The following UBN2 variants were observed in gnomAD, a reference collection of about 807,000 sequenced individuals.
UBN2 encodes ubinuclein 2.
Under a neutral mutation model 120.2 loss-of-function variants are expected in UBN2, and 35 were observed. The ratio of observed to expected loss-of-function variants is 0.29; its 90% CI spans 0.22 to 0.39. UBN2 has a LOEUF of 0.39. Among genes scored for constraint, UBN2 ranks in the 10% least tolerant of loss-of-function variants. UBN2 has a pLI of 1.00. For missense variants in UBN2, 1,693 were observed against 1,663.2 expected (o/e 1.02, Z -0.31); for synonymous variants, 661 against 648.7 (o/e 1.02, Z -0.29).
Position 139,284,073 on chromosome 7 carries a change from G to A in UBN2, c.3168G>A (p.Lys1056=). The change falls in exon 15 of 18, where the codon AAG becomes AAA. Residue 1056 remains lysine, a synonymous_variant. Transcript: ENST00000473989. ...ATSPKPLPSP[K]PSASPKPSLS... is the part of the protein sequence containing the mutation. ...CTCCTAAACCCCTGCCCTCGCCTAA[G>A]CCTTCTGCCTCACCCAAGCCCTCTC... 1 of 1,614,020 alleles carries A rather than the reference G, an allele frequency of 6.2e-7. No individual in the cohort carries two copies. The highest frequency in any genetic ancestry group is 8.5e-7 in the Non-Finnish European group (1 of 1,179,990).
chr7:139,272,541 T>TGTA, intron 9 of UBN2, 101 bp downstream of exon 9: 85 of 822,176 alleles, frequency 1.0e-4, no homozygotes, highest in African/African-American at 1.9e-4. Flanking sequence ...TATGTATGTA[T>TGTA]TTTGAGACGG....
intron 11 of UBN2, 86 bp downstream of exon 11, chr7:139,274,160 A>T: frequency 7.7e-7 from 1 of 1,305,794 alleles, no homozygotes; most frequent in Non-Finnish European, 1.0e-6. Flanking sequence ...CATATGTGAC[A>T]TTGATTTTGC....
chr7:139,238,206 T>C (rs1343327069), intron 2 of UBN2, among the ~76,000 whole-genome samples: 1 of 152,146 alleles, frequency 6.6e-6, no homozygotes, highest in Non-Finnish European at 1.5e-5. Context: ...AGAAAGGATA[T>C]CAGCTCACAT....
At position 139,303,263 on chromosome 7, in the gene UBN2, A is replaced by G. The variant is rs1798301577; in HGVS notation, c.*5427A>G. 6.6e-6 allele frequency: 1 copy of G among 152,216 alleles called. No individual in the cohort carries two copies. The highest frequency in any genetic ancestry group is 6.5e-5 in the Admixed American group (1 of 15,274). The allele number at this position is 152,216 out of a possible 1,614,324, so 9.4% of individuals were successfully genotyped here. A position where few individuals can be genotyped will look rare whatever the true frequency, so the allele number is the denominator to read the frequency against. ...GTTATTTAGATTTCTCCCTTGAGCA[A>G]AATAACATAATTTTCAGTATCTAAG... On this transcript the variant is annotated 3_prime_UTR_variant, in exon 18 of 18. Coordinates refer to ENST00000473989, the MANE Select transcript of UBN2 (RefSeq NM_173569.4).
chr7:139,317,593 G>A, the UBN2 span, among the ~76,000 whole-genome samples: 8 of 151,540 alleles, frequency 5.3e-5, no homozygotes, highest in East Asian at 5.8e-4. Context: ...ATTACTTTTC[G>A]GTACCTTCTA....
chr7:139,231,553 G>A lies in UBN2; in HGVS notation c.69G>A (p.Pro23=). Residue 23 remains proline, a synonymous_variant, in exon 1 of 18, where the codon CCG becomes CCA. Coordinates refer to ENST00000473989, the MANE Select transcript of UBN2 (RefSeq NM_173569.4). ...TGCGGCGGCGCGAGGCCGAGTACCC[G>A]GGGCCCGAGCGTGAGCCCGAGTACC... ...SPVRRREAEY[P]GPEREPEYPR... The A allele has an allele frequency of 1.4e-6, 2 of 1,419,078 alleles. No homozygotes were observed. Among genetic ancestry groups the A allele is most frequent in the South Asian group, 1.5e-5 (1 of 68,202 alleles). 87.9% of individuals were successfully genotyped at this position (1,419,078 alleles called of 1,614,324 possible).
intron 17 of UBN2, among the ~76,000 whole-genome samples, chr7:139,295,386 C>G (rs981310359): frequency 6.6e-6 from 1 of 152,254 alleles, no homozygotes. Flanking sequence ...GCATGTCCCC[C>G]CCTGGGTGTA....
At chr7:139,277,274 A>G (rs1797471810) in intron 12 of UBN2, 1 of 152,206 alleles carries the variant, frequency 6.6e-6, no homozygotes, top group African/African-American at 2.4e-5. Context: ...TTGGAACAAC[A>G]CGGGAGTTAG....
In UBN2 at chr7:139,272,494, T is replaced by TTATGTATG. The variant is rs142378700; in HGVS notation, c.1715+94_1715+101dup. ...TTTGCATTTGAGAAGTGTATGTACG[T>TTATGTATG]TATGTATGTATGTATGTATGTATGT... On this transcript the variant is annotated intron_variant, in intron 9 of 17. Transcript: ENST00000473989. 0.013 allele frequency: 13,819 copies of TTATGTATG among 1,104,652 alleles called. 715 individuals are homozygous for TTATGTATG. The African/African-American group carries it at 0.13, about 11-fold the overall frequency. 68.4% of individuals were successfully genotyped at this position (1,104,652 alleles called of 1,614,324 possible). A position where few individuals can be genotyped will look rare whatever the true frequency, so the allele number is the denominator to read the frequency against.
At chr7:139,328,421 A>G in the UBN2 span, among the ~76,000 whole-genome samples, 2 of 152,162 alleles carry the variant, frequency 1.3e-5, no homozygotes, top group African/African-American at 2.4e-5. Flanking sequence ...ACATGTGGGG[A>G]TTACCATTTG....
Position 139,283,607 on chromosome 7 carries a change from C to T in UBN2, c.2702C>T (p.Ser901Phe). 6.2e-7 allele frequency: 1 copy of T among 1,614,172 alleles called. No homozygotes were observed. The highest frequency in any genetic ancestry group is 8.5e-7 in the Non-Finnish European group (1 of 1,180,026). ...SSSQTHVSSS[S>F]QAQIAASSHA... ...TCACAGACCCATGTCTCCTCTTCTTCCCAAGCCCAAATTGCTGCCTCTTCT... is the reference window on the plus strand; with the variant it reads ...TCACAGACCCATGTCTCCTCTTCTTTCCAAGCCCAAATTGCTGCCTCTTCT... Residue 901 changes from serine to phenylalanine, a missense_variant, in exon 15 of 18, where the codon TCC (serine) becomes TTC (phenylalanine). Ser to Phe is a radical substitution (Grantham distance 155, BLOSUM62 -2). This residue lies in a region of UBN2 where 837 missense variants were observed against 817.6 expected (regional missense o/e 1.02). Transcript: ENST00000473989.
the UBN2 span, among the ~76,000 whole-genome samples, chr7:139,319,814 T>C: frequency 0.016 from 2,454 of 152,170 alleles, 59 homozygotes; most frequent in African/African-American, 0.053. Flanking sequence ...TGGTGGTCCA[T>C]GCCTGTAATC....
the UBN2 span, among the ~76,000 whole-genome samples, chr7:139,318,439 T>C: frequency 6.6e-6 from 1 of 152,210 alleles, no homozygotes; most frequent in Non-Finnish European, 1.5e-5. Context: ...TGTTTAGTGA[T>C]TTTTGTATGA....
chr7:139,261,069 C>T (rs780634338), intron 5 of UBN2, among the ~76,000 whole-genome samples, 183 bp from the exon 6 acceptor site: 13 of 152,146 alleles, frequency 8.5e-5, no homozygotes, highest in Non-Finnish European at 1.8e-4. Flanking sequence ...ATTTGCCTTT[C>T]GTGGGTGACA....
chr7:139,243,873 G>A (rs1796389300), intron 2 of UBN2, among the ~76,000 whole-genome samples: 1 of 152,130 alleles, frequency 6.6e-6, no homozygotes, highest in African/African-American at 2.4e-5. Flanking sequence ...TCAGGTTTGG[G>A]TGTGTCAAAT....
intron 12 of UBN2, 119 bp downstream of exon 12, chr7:139,276,266 G>C: frequency 1.1e-6 from 1 of 927,044 alleles, no homozygotes. Flanking sequence ...TTTGACCATT[G>C]ACTATTTAGA....
downstream of UBN2, among the ~76,000 whole-genome samples, chr7:139,309,496 C>G (rs1276969859): frequency 1.3e-5 from 2 of 152,168 alleles, no homozygotes; most frequent in African/African-American, 4.8e-5. Flanking sequence ...CTATACTTAA[C>G]TGTGTTTTCA....
chr7:139,270,270 CTTTTTT>C (rs563161456), intron 8 of UBN2, among the ~76,000 whole-genome samples: 1 of 134,414 alleles, frequency 7.4e-6, no homozygotes. Flanking sequence ...AGCAGAAATA[CTTTTTT>C]TTTTTTTTTT....
chr7:139,259,163 G>A, intron 4 of UBN2, 104 bp from the exon 5 acceptor site: 1 of 1,493,574 alleles, frequency 6.7e-7, no homozygotes. Context: ...CGATTGTAAT[G>A]CACACTGACA....
Sources: allele counts gnomAD v4.1 joint callset (sites outside exome capture counted in the v4.1 genomes callset), GRCh38; gene constraint gnomAD v4.1.1; regional missense constraint gnomAD v4.1.1; transcripts MANE v1.5; gene names NCBI Gene and HGNC (gene_info 2026-07-23, HGNC 2026-07-21).